XRCC4: variants seen among roughly 807,000 people sequenced by gnomAD.
XRCC4 encodes DNA repair protein XRCC4.
In XRCC4, 28 loss-of-function variants were observed where a neutral mutation model predicts 39.1. That is an observed-to-expected ratio of 0.72 (90% CI 0.53 to 0.98). The LOEUF (loss-of-function observed/expected upper bound fraction) is 0.98. XRCC4 is among the 50% of genes least tolerant of loss of function. The pLI is 0.00. For missense variants in XRCC4, 350 were observed against 376.4 expected (o/e 0.93, Z 0.58); for synonymous variants, 123 against 126.4 (o/e 0.97, Z 0.18).
At chr5:83,155,250 G>A (rs2126987) in intron 3 of XRCC4, among the ~76,000 whole-genome samples, 9,613 of 152,194 alleles carry the variant, frequency 0.063, 1,022 homozygotes, top group East Asian at 0.48. Flanking sequence ...TTCTTGGTCA[G>A]ACTTCCTTGG....
chr5:83,145,114 C>A (rs1294338189), intron 3 of XRCC4, among the ~76,000 whole-genome samples: 1 of 152,172 alleles, frequency 6.6e-6, no homozygotes, highest in Non-Finnish European at 1.5e-5. Flanking sequence ...CCAGGATGGT[C>A]TCCATCTCCT....
At chr5:83,301,364 T>C (rs1394505653) in intron 7 of XRCC4, among the ~76,000 whole-genome samples, 4 of 152,206 alleles carry the variant, frequency 2.6e-5, no homozygotes, top group African/African-American at 7.2e-5. Context: ...TTGTTGGCCA[T>C]ATAAATGTCT....
chr5:83,349,547 C>A (rs1160079179), intron 7 of XRCC4, among the ~76,000 whole-genome samples: 2 of 152,142 alleles, frequency 1.3e-5, no homozygotes, highest in Admixed American at 1.3e-4. Context: ...GGGTCAAAAT[C>A]TATTTCTTAA....
At chr5:83,228,957 A>G (rs1384429403) in intron 6 of XRCC4, among the ~76,000 whole-genome samples, 1 of 152,070 alleles carries the variant, frequency 6.6e-6, no homozygotes, top group Non-Finnish European at 1.5e-5. Flanking sequence ...ATGGCCAAAT[A>G]TTGGCACTAT....
At chr5:83,220,951 C>G (rs1190908203) in intron 6 of XRCC4, among the ~76,000 whole-genome samples, 2 of 152,096 alleles carry the variant, frequency 1.3e-5, no homozygotes, top group African/African-American at 4.8e-5. Context: ...ATAATTGATA[C>G]AAATGCATTT....
chr5:83,264,024 A>C (rs771185754), intron 7 of XRCC4, among the ~76,000 whole-genome samples: 24 of 152,160 alleles, frequency 1.6e-4, no homozygotes, highest in Non-Finnish European at 2.1e-4. Context: ...GTGCAGAAAA[A>C]GATGTAGCGT....
intron 7 of XRCC4, among the ~76,000 whole-genome samples, chr5:83,331,259 A>G (rs1756429520): frequency 6.6e-6 from 1 of 152,264 alleles, no homozygotes; most frequent in East Asian, 1.9e-4. Flanking sequence ...GAAAACAAGC[A>G]AATTGATTAT....
intron 3 of XRCC4, among the ~76,000 whole-genome samples, chr5:83,125,153 TC>T: frequency 6.6e-6 from 1 of 152,334 alleles, no homozygotes; most frequent in East Asian, 1.9e-4. Flanking sequence ...TTTGTTCAAA[TC>T]TTTTACCCCT....
At chr5:83,213,128 C>T (rs1751719645) in intron 6 of XRCC4, among the ~76,000 whole-genome samples, 1 of 151,878 alleles carries the variant, frequency 6.6e-6, no homozygotes, top group African/African-American at 2.4e-5. Context: ...AAAAAGAAAT[C>T]ATAACCAATA....
intron 3 of XRCC4, among the ~76,000 whole-genome samples, chr5:83,169,872 G>C (rs1245590419): frequency 6.6e-6 from 1 of 152,154 alleles, no homozygotes; most frequent in African/African-American, 2.4e-5. Context: ...GATTTCAAAA[G>C]AGTAAGCAGT....
the XRCC4 span, among the ~76,000 whole-genome samples, chr5:83,360,766 G>A: frequency 0.02 from 3,001 of 152,052 alleles, 95 homozygotes; most frequent in African/African-American, 0.067. Flanking sequence ...TAGAAGAGCC[G>A]TCCAGCTGAG....
At chr5:83,369,933 C>A in the XRCC4 span, among the ~76,000 whole-genome samples, 1 of 152,118 alleles carries the variant, frequency 6.6e-6, no homozygotes, top group Non-Finnish European at 1.5e-5. Flanking sequence ...GATGTTTTAA[C>A]AAAAGCCATT....
At chr5:83,210,625 A>C (rs530138061) in intron 6 of XRCC4, among the ~76,000 whole-genome samples, 1 of 151,644 alleles carries the variant, frequency 6.6e-6, no homozygotes, top group East Asian at 1.9e-4. Context: ...TCTAACAATG[A>C]GGAAATTGCC....
At chr5:83,108,267 A>G (rs1411066022) in intron 2 of XRCC4, among the ~76,000 whole-genome samples, 1 of 152,004 alleles carries the variant, frequency 6.6e-6, no homozygotes, top group African/African-American at 2.4e-5. Context: ...ACAGAATTCA[A>G]AACTGGTGAC....
At chr5:83,110,075 C>T (rs904943855) in intron 2 of XRCC4, among the ~76,000 whole-genome samples, 3 of 151,818 alleles carry the variant, frequency 2.0e-5, no homozygotes, top group Non-Finnish European at 4.4e-5. Context: ...CAAAACTAGT[C>T]CCAAACTGAT....
At chr5:83,224,438 C>T (rs1354258580) in intron 6 of XRCC4, among the ~76,000 whole-genome samples, 1 of 152,052 alleles carries the variant, frequency 6.6e-6, no homozygotes, top group Non-Finnish European at 1.5e-5. Flanking sequence ...TTTGATGTCA[C>T]ACTTTATATG....
At position 83,209,755 on chromosome 5, in the gene XRCC4, C is replaced by T. The variant is rs560901636; in HGVS notation, c.745+4834C>T. ...TGAATAGAGTTGACAATATTTATTA[C>T]AATTATAGGATAATTAAGAGCATTA... On this transcript the variant is annotated intron_variant, in intron 6 of 7. Transcript: ENST00000396027. Among the ~76,000 whole-genome samples, 9 of 147,366 alleles carry T rather than the reference C, an allele frequency of 6.1e-5. No homozygotes were observed. The South Asian group carries it at 1.2e-3, about 20-fold the overall frequency.
At chr5:83,262,748 T>A (rs985991713) in intron 7 of XRCC4, among the ~76,000 whole-genome samples, 1 of 151,970 alleles carries the variant, frequency 6.6e-6, no homozygotes, top group African/African-American at 2.4e-5. Context: ...TAAATAGTAT[T>A]TCAAGTGAAT....
intron 7 of XRCC4, among the ~76,000 whole-genome samples, chr5:83,275,757 T>A (rs1016594626): frequency 5.3e-5 from 8 of 152,164 alleles, no homozygotes; most frequent in African/African-American, 1.9e-4. Context: ...ACAGCCTGAG[T>A]GGCTGTTTCT....
Sources: allele counts gnomAD v4.1 joint callset (sites outside exome capture counted in the v4.1 genomes callset), GRCh38; gene constraint gnomAD v4.1.1; transcripts MANE v1.5; gene names NCBI Gene and HGNC (gene_info 2026-07-23, HGNC 2026-07-21).